The following SHC3 variants were observed in gnomAD, a reference collection of about 807,000 sequenced individuals.
SHC3 encodes SHC-transforming protein 3.
A neutral mutation model predicts 60.4 loss-of-function variants in SHC3; 15 were observed. That is an observed-to-expected ratio of 0.25 (90% CI 0.17 to 0.38). The LOEUF (loss-of-function observed/expected upper bound fraction) is 0.38. SHC3 is among the 10% of genes least tolerant of loss of function. The pLI is 1.00. For missense variants in SHC3, 677 were observed against 786.1 expected, an observed-to-expected ratio of 0.86 and a Z score of 1.66; for synonymous variants, 294 against 325.9, an observed-to-expected ratio of 0.90 and a Z score of 1.05.
chr9:89,033,195 T>A (rs1824520107), intron 11 of SHC3, among the ~76,000 whole-genome samples: 1 of 152,206 alleles, frequency 6.6e-6, no homozygotes, highest in Non-Finnish European at 1.5e-5. Flanking sequence ...TCTGCTACAT[T>A]ATGATACTGA....
chr9:89,059,170 G>A lies in SHC3; in HGVS notation c.835+6359C>T, dbSNP rs548912276. ...TGGTGGAGGATGGTGGTGGAGGACC[G>A]TGGTGTAGGACATGGTGGAGGACAG... is the stretch of plus-strand genomic sequence containing the variant. On this transcript the variant is annotated intron_variant, in intron 6 of 11. Transcript: ENST00000375835. 4.8e-3 allele frequency among the ~76,000 whole-genome samples: 663 copies of A among 138,242 alleles called. 3 individuals are homozygous for A. Among genetic ancestry groups the A allele is most frequent in the Admixed American group, 9.4e-3 (133 of 14,156 alleles). The allele number at this position is 138,242 out of a possible 152,430, so 90.7% of individuals were successfully genotyped here.
intron 1 of SHC3, among the ~76,000 whole-genome samples, chr9:89,155,792 TG>T (rs1826614389): frequency 6.6e-6 from 1 of 152,176 alleles, no homozygotes; most frequent in African/African-American, 2.4e-5. Context: ...TTAACTGACT[TG>T]GCACCTGAGG....
chr9:89,138,483 G>T, intron 1 of SHC3, among the ~76,000 whole-genome samples: 1 of 152,208 alleles, frequency 6.6e-6, no homozygotes, highest in East Asian at 1.9e-4. Flanking sequence ...AGGACAACCA[G>T]AGGTCACTCT....
intron 5 of SHC3, among the ~76,000 whole-genome samples, chr9:89,068,260 C>T (rs529841868): frequency 5.3e-5 from 8 of 152,298 alleles, no homozygotes; most frequent in South Asian, 4.1e-4. Context: ...TTTAACACTG[C>T]TAATTACAGT....
intron 1 of SHC3, among the ~76,000 whole-genome samples, chr9:89,139,080 A>G (rs1055213442): frequency 1.4e-4 from 21 of 152,224 alleles, no homozygotes; most frequent in African/African-American, 5.1e-4. Context: ...TGAATTGGGA[A>G]ACTGTTGGAA....
intron 1 of SHC3, among the ~76,000 whole-genome samples, chr9:89,170,265 G>C (rs1343435812): frequency 1.3e-5 from 2 of 152,236 alleles, no homozygotes; most frequent in Non-Finnish European, 2.9e-5. Context: ...TTGCCAGCCT[G>C]AAGCATAGCT....
chr9:89,176,519 A>G (rs911483654), intron 1 of SHC3, among the ~76,000 whole-genome samples: 2 of 152,246 alleles, frequency 1.3e-5, no homozygotes, highest in Non-Finnish European at 2.9e-5. Context: ...TTTTTAAAAC[A>G]GCAATTATGC....
At position 89,037,922 on chromosome 9, in the gene SHC3, C is replaced by A; in HGVS notation, c.1656+71G>T. The A allele has an allele frequency of 1.9e-6, 3 of 1,546,842 alleles. No homozygotes were observed. In the South Asian group the frequency reaches 3.6e-5, roughly 19 times the overall value. ...AGGTGGGAATGTGGAGGGCATTTGA[C>A]AAAGTGGAGACTGTTTAAGGCAGGT... On this transcript the variant is annotated intron_variant, in intron 11 of 11. Coordinates refer to ENST00000375835, the MANE Select transcript of SHC3 (RefSeq NM_016848.6).
At chr9:89,085,940 C>T (rs1825522464) in intron 2 of SHC3, among the ~76,000 whole-genome samples, 1 of 152,214 alleles carries the variant, frequency 6.6e-6, no homozygotes, top group Non-Finnish European at 1.5e-5. Context: ...GTGGCTTCCA[C>T]CCAGGCCACC....
chr9:89,035,037 T>C (rs994714003), intron 11 of SHC3, among the ~76,000 whole-genome samples: 2 of 152,220 alleles, frequency 1.3e-5, no homozygotes, highest in African/African-American at 4.8e-5. Context: ...ATGTGCTTAA[T>C]GCAACGTGTC....
At chr9:89,024,102 C>T (rs1826249507) in intron 11 of SHC3, among the ~76,000 whole-genome samples, 1 of 152,130 alleles carries the variant, frequency 6.6e-6, no homozygotes, top group Non-Finnish European at 1.5e-5. Flanking sequence ...GCAACAATGC[C>T]TTCCCAGTTC....
chr9:89,145,223 T>C (rs1235099706), intron 1 of SHC3, among the ~76,000 whole-genome samples: 3 of 152,224 alleles, frequency 2.0e-5, no homozygotes, highest in African/African-American at 7.2e-5. Context: ...AGGATAGGAC[T>C]GAATAGGAAA....
rs970221217 is a variant in SHC3 at position 89,010,509 on chromosome 9, C to G, written c.*2938G>C. On this transcript the variant is annotated 3_prime_UTR_variant, in exon 12 of 12. Transcript: ENST00000375835. ...GGCCACTCGGTAAGGGCAGAGGGGC[C>G]GTTTTAGGACTGCTGGCCCCCACCT... 5.3e-5 allele frequency: 8 copies of G among 152,370 alleles called. No individual in the cohort carries two copies. Among genetic ancestry groups the G allele is most frequent in the African/African-American group, 1.9e-4 (8 of 41,570 alleles). The allele number at this position is 152,370 out of a possible 1,614,324, so 9.4% of individuals were successfully genotyped here.
At chr9:89,042,655 TC>T (rs1203418232) in intron 9 of SHC3, among the ~76,000 whole-genome samples, 1 of 152,222 alleles carries the variant, frequency 6.6e-6, no homozygotes, top group Admixed American at 6.5e-5. Context: ...GCTCTGTACC[TC>T]CTAAGGAACT....
chr9:89,109,759 C>T, intron 2 of SHC3: 1 of 985,534 alleles, frequency 1.0e-6, no homozygotes, highest in Non-Finnish European at 1.2e-6. Context: ...CCTTCTTCAT[C>T]TCACCAGGGC....
chr9:89,064,499 T>C (rs1437172264), intron 6 of SHC3, among the ~76,000 whole-genome samples: 1 of 152,196 alleles, frequency 6.6e-6, no homozygotes, highest in African/African-American at 2.4e-5. Flanking sequence ...GGGGCTAAAC[T>C]CCTTCAGGAT....
chr9:89,096,658 A>T (rs751805776), intron 2 of SHC3, among the ~76,000 whole-genome samples: 2 of 152,198 alleles, frequency 1.3e-5, no homozygotes, highest in Non-Finnish European at 2.9e-5. Context: ...AATGCAATAT[A>T]ATTTATTTCT....
intron 1 of SHC3, among the ~76,000 whole-genome samples, chr9:89,173,831 A>G (rs1826905263): frequency 6.6e-6 from 1 of 152,242 alleles, no homozygotes; most frequent in Non-Finnish European, 1.5e-5. Context: ...GATCAAATTA[A>G]TAACTTTATA....
At chr9:89,063,098 T>A (rs1412907699) in intron 6 of SHC3, among the ~76,000 whole-genome samples, 1 of 152,214 alleles carries the variant, frequency 6.6e-6, no homozygotes, top group Non-Finnish European at 1.5e-5. Flanking sequence ...GAAGGGTACA[T>A]GTGGCTTCCT....
Sources: gnomAD v4.1 joint callset for allele counts (sites outside exome capture counted in the v4.1 genomes callset) on GRCh38, gnomAD v4.1.1 for gene constraint, MANE v1.5 for transcripts, NCBI Gene and HGNC (gene_info 2026-07-23, HGNC 2026-07-21) for gene names.